The following RHOG variants were observed in gnomAD, a reference collection of about 807,000 sequenced individuals.
RHOG encodes ras homolog family member G, also known as rho-related GTP-binding protein RhoG.
A neutral mutation model predicts 12.3 loss-of-function variants in RHOG; 1 was observed. The observed-to-expected ratio is 0.08, with a 90% CI of 0.03 to 0.39. RHOG has a LOEUF of 0.39. RHOG is among the 10% of genes least tolerant of loss of function. RHOG has a pLI of 0.99. For synonymous variants in RHOG, 129 were observed against 116.0 expected, an observed-to-expected ratio of 1.11 and a Z score of -0.72; for missense variants, 114 against 266.2, an observed-to-expected ratio of 0.43 and a Z score of 3.98.
rs78875570 is a variant in RHOG at position 3,830,951 on chromosome 11, G to A, written c.-68-2745C>T. ...TCCTCTTGGCCATGGGGGACTCTTG[G>A]TGGTCAATATGTGACTTCCTTTCCC... is the stretch of plus-strand genomic sequence containing the variant. On this transcript the variant is annotated intron_variant, in intron 1 of 1. Coordinates refer to ENST00000351018, the MANE Select transcript of RHOG (RefSeq NM_001665.4). 5.8e-3 allele frequency among the ~76,000 whole-genome samples: 885 copies of A among 151,866 alleles called. 10 individuals carry two copies. The highest frequency in any genetic ancestry group is 0.021 in the African/African-American group (865 of 41,226).
chr11:3,834,123 A>G (rs185895099), intron 1 of RHOG, among the ~76,000 whole-genome samples: 2 of 152,144 alleles, frequency 1.3e-5, no homozygotes, highest in Non-Finnish European at 1.5e-5. Flanking sequence ...GGATTTCATC[A>G]TGTTGGCCAG....
intron 1 of RHOG, among the ~76,000 whole-genome samples, chr11:3,839,485 A>AACACACACACAC (rs71041402): frequency 2.1e-5 from 3 of 141,890 alleles, no homozygotes; most frequent in Non-Finnish European, 3.1e-5. Context: ...CGCGCGCGCG[A>AACACACACACAC]ACACACACAC....
Position 3,827,411 on chromosome 11 carries a change from GGAGAAAAAGGCACTCA to G in RHOG, c.*136_*151del, listed in dbSNP as rs1354846396. 2.6e-5 allele frequency: 17 copies of G among 641,724 alleles called. No homozygotes were observed. Among genetic ancestry groups the G allele is most frequent in the Non-Finnish European group, 4.0e-5 (15 of 372,962 alleles). The allele number at this position is 641,724 out of a possible 1,614,324, so 39.8% of individuals were successfully genotyped here. ...CCCCTTTCTCTGCAGGCCTCCTTAA[GGAGAAAAAGGCACTCA>G]GAGAAAAAGGCATTCAGGGAACCCC... On this transcript the variant is annotated 3_prime_UTR_variant, in exon 2 of 2. Coordinates refer to ENST00000351018, the MANE Select transcript of RHOG (RefSeq NM_001665.4). The surrounding 1 kb of genome is among the most constrained non-coding windows in gnomAD (Gnocchi z 7.3).
intron 1 of RHOG, among the ~76,000 whole-genome samples, chr11:3,834,344 A>G (rs1234674355): frequency 6.6e-6 from 1 of 152,144 alleles, no homozygotes; most frequent in African/African-American, 2.4e-5. Context: ...CTAAATGACA[A>G]AAAAAAACCT....
chr11:3,838,458 G>A (rs1391736320), intron 1 of RHOG, among the ~76,000 whole-genome samples: 1 of 152,068 alleles, frequency 6.6e-6, no homozygotes, highest in Non-Finnish European at 1.5e-5. Flanking sequence ...GACTCCTGGG[G>A]TTTTTATTAA....
At chr11:3,833,362 C>T (rs913015295) in intron 1 of RHOG, among the ~76,000 whole-genome samples, 2 of 152,202 alleles carry the variant, frequency 1.3e-5, no homozygotes, top group African/African-American at 4.8e-5. Flanking sequence ...TCAAGTGATC[C>T]TCCTGACTAG....
intron 1 of RHOG, among the ~76,000 whole-genome samples, chr11:3,830,334 C>T (rs2090119355): frequency 6.6e-6 from 1 of 152,136 alleles, no homozygotes; most frequent in East Asian, 1.9e-4. Flanking sequence ...TGGGGATAAT[C>T]TTGCCTATTG....
At chr11:3,833,541 G>C (rs1473214277) in intron 1 of RHOG, among the ~76,000 whole-genome samples, 1 of 152,168 alleles carries the variant, frequency 6.6e-6, no homozygotes, top group Non-Finnish European at 1.5e-5. Context: ...AGGGATATTA[G>C]AGTTACGTAG....
At chr11:3,839,525 G>A (rs1256998787) in intron 1 of RHOG, among the ~76,000 whole-genome samples, 1 of 89,346 alleles carries the variant, frequency 1.1e-5, no homozygotes, top group South Asian at 4.0e-4. Context: ...CACACACACA[G>A]GCTTTCCATC....
At chr11:3,828,957 CA>C (rs1419197579) in intron 1 of RHOG, among the ~76,000 whole-genome samples, 1 of 151,646 alleles carries the variant, frequency 6.6e-6, no homozygotes, top group Non-Finnish European at 1.5e-5. Context: ...TATACAGACA[CA>C]AAAGGAGAGT....
At position 3,827,501 on chromosome 11, in the gene RHOG, A is replaced by G. The variant is rs111984062; in HGVS notation, c.*62T>C. The G allele has an allele frequency of 3.1e-3, 4,334 of 1,377,326 alleles. 16 individuals are homozygous for G. Among genetic ancestry groups the G allele is most frequent in the Middle Eastern group, 4.9e-3 (27 of 5,540 alleles). The allele number at this position is 1,377,326 out of a possible 1,614,324, so 85.3% of individuals were successfully genotyped here. A position where few individuals can be genotyped will look rare whatever the true frequency, so the allele number is the denominator to read the frequency against. On this transcript the variant is annotated 3_prime_UTR_variant, in exon 2 of 2. Coordinates refer to ENST00000351018, the MANE Select transcript of RHOG (RefSeq NM_001665.4). This position sits in a 1 kb window ranked among gnomAD's most constrained non-coding sequence, Gnocchi z 7.3. The stretch of plus-strand genomic sequence containing the variant: ...TCCTTAAGGCACAGCTGAGGCGGAC[A>G]AGGCACCAAGGCACAACTGGTGGGG...
Position 3,827,570 on chromosome 11 carries a change from A to G in RHOG, c.569T>C (p.Leu190Pro). Residue 190 changes from leucine (L) to proline (P), a missense_variant, in exon 2 of 2, where the codon CTC becomes CCC. This residue lies in a region of RHOG where 61 missense variants were observed against 101.4 expected (regional missense o/e 0.60). Transcript: ENST00000351018. The surrounding 1 kb of genome is among the most constrained non-coding windows in gnomAD (Gnocchi z 7.3). The part of the protein sequence containing the change: ...TPIKRGRSCI[L>P]L ...CCAAGCCAAGTGCCAGGGTCACAAG[A>G]GGATGCAGGACCGCCCACGCTTGAT... 1.2e-6 allele frequency: 2 copies of G among 1,602,930 alleles called. No homozygotes were observed. The highest frequency in any genetic ancestry group is 1.7e-6 in the Non-Finnish European group (2 of 1,177,664).
At chr11:3,832,964 A>C (rs2090138793) in intron 1 of RHOG, among the ~76,000 whole-genome samples, 1 of 152,076 alleles carries the variant, frequency 6.6e-6, no homozygotes, top group Non-Finnish European at 1.5e-5. Context: ...CCCAGGAGTG[A>C]AGGGTTGTAG....
At chr11:3,836,316 T>A (rs192802055) in intron 1 of RHOG, among the ~76,000 whole-genome samples, 13 of 142,056 alleles carry the variant, frequency 9.2e-5, no homozygotes, top group African/African-American at 3.4e-4. Context: ...GAGATCATGC[T>A]ACTGCATTCC....
chr11:3,839,565 GTAGA>G (rs1026883368), intron 1 of RHOG, among the ~76,000 whole-genome samples: 3 of 139,984 alleles, frequency 2.1e-5, no homozygotes, highest in Non-Finnish European at 4.6e-5. Context: ...AGATGAAGAT[GTAGA>G]TACACAGACA....
chr11:3,832,757 A>G (rs935649461), intron 1 of RHOG, among the ~76,000 whole-genome samples: 1 of 152,216 alleles, frequency 6.6e-6, no homozygotes, highest in African/African-American at 2.4e-5. Flanking sequence ...ACCATAGCCC[A>G]TTTCAGGAGG....
chr11:3,833,965 C>A (rs1256284004), intron 1 of RHOG, among the ~76,000 whole-genome samples: 1 of 152,174 alleles, frequency 6.6e-6, no homozygotes, highest in Non-Finnish European at 1.5e-5. Context: ...ACCTGTCGCC[C>A]AGGTTAGAGT....
chr11:3,840,701 G>C (rs2135144587), intron 1 of RHOG, 193 bp downstream of exon 1: 1 of 152,596 alleles, frequency 6.6e-6, no homozygotes, highest in Admixed American at 6.5e-5. Context: ...CCCTCGCCGA[G>C]CCTCCGCCGG....
intron 1 of RHOG, among the ~76,000 whole-genome samples, chr11:3,828,854 T>G (rs190368516): frequency 0.029 from 4,352 of 151,974 alleles, 122 homozygotes; most frequent in African/African-American, 0.069. Context: ...TCTCCTGACC[T>G]CGTGATCCGC....
Sources: allele counts gnomAD v4.1 joint callset (sites outside exome capture counted in the v4.1 genomes callset), GRCh38; gene constraint gnomAD v4.1.1; regional missense constraint gnomAD v4.1.1; non-coding constraint Gnocchi (gnomAD v3.1); transcripts MANE v1.5; gene names NCBI Gene and HGNC (gene_info 2026-07-23, HGNC 2026-07-21).